CPLX3: variants seen among roughly 807,000 people sequenced by gnomAD.
CPLX3 encodes the protein complexin 3, also known as complexin-3.
A neutral mutation model predicts 17.2 loss-of-function variants in CPLX3; 12 were observed. The ratio of observed to expected loss-of-function variants is 0.70; its 90% CI spans 0.45 to 1.13. The LOEUF (loss-of-function observed/expected upper bound fraction) is 1.13. Among genes scored for constraint, CPLX3 ranks in the 50% most tolerant of loss-of-function variants. The pLI is 0.00. For synonymous variants in CPLX3, 75 were observed against 79.4 expected (o/e 0.94, Z 0.29); for missense variants, 172 against 203.2 (o/e 0.85, Z 0.93).
chr15:74,830,030 G>C, intron 2 of CPLX3, 100 bp from the exon 3 acceptor site: 1 of 798,704 alleles, frequency 1.3e-6, no homozygotes, highest in East Asian at 2.7e-5. Flanking sequence ...ATAGAATCTA[G>C]GGGCCTGGAA....
In CPLX3 at chr15:74,828,117, C is replaced by A. The variant is rs2063952133; in HGVS notation, c.248C>A (p.Pro83His). 26 of 1,586,900 alleles carry A rather than the reference C, an allele frequency of 1.6e-5. No homozygotes were observed. Among genetic ancestry groups the A allele is most frequent in the Non-Finnish European group, 2.1e-5 (25 of 1,165,800 alleles). Residue 83 changes from proline to histidine, a missense_variant, in exon 2 of 3, where the codon CCC becomes CAC. By Grantham distance (77) the Pro-to-His change is moderately conservative (BLOSUM62 -2). Coordinates refer to ENST00000395018, the MANE Select transcript of CPLX3 (RefSeq NM_001030005.3). Reference protein sequence around the residue: ...RSHFRDKYRLPKNETDESQIQ... With the variant: ...RSHFRDKYRLHKNETDESQIQ... ...CACTTCCGAGACAAATACCGGCTACCCAAGGTAAGCTGGCCCCGGCTGTGA... is the reference window on the plus strand; with the variant it reads ...CACTTCCGAGACAAATACCGGCTACACAAGGTAAGCTGGCCCCGGCTGTGA...
chr15:74,829,268 A>G (rs2063957664), intron 2 of CPLX3, among the ~76,000 whole-genome samples: 2 of 152,176 alleles, frequency 1.3e-5, no homozygotes, highest in African/African-American at 4.8e-5. Flanking sequence ...AGTTGAGCAG[A>G]AGAGCCAAGA....
chr15:74,830,367 G>T lies in CPLX3; in HGVS notation c.*13G>T, dbSNP rs755073779. The stretch of plus-strand genomic sequence containing the variant: ...TCACGTCATGTGACCACTTCCCCGG[G>T]GTTACCCACTGGGCTGGGCCCCCAT... On this transcript the variant is annotated 3_prime_UTR_variant, in exon 3 of 3. Transcript: ENST00000395018. 5.0e-5 allele frequency: 80 copies of T among 1,605,794 alleles called. No homozygotes were observed. Among genetic ancestry groups the T allele is most frequent in the East Asian group, 9.0e-5 (4 of 44,634 alleles).
chr15:74,826,937 G>T lies in CPLX3; in HGVS notation c.164+70G>T. ...CCCCACAGCTGCTCAGTCCATCCCC[G>T]GGCCAGCCTCAGGTCCCAATCCCTT... On this transcript the variant is annotated intron_variant, in intron 1 of 2. Coordinates refer to ENST00000395018, the MANE Select transcript of CPLX3 (RefSeq NM_001030005.3). The surrounding 1 kb of genome is among the most constrained non-coding windows in gnomAD (Gnocchi z 5.0). The T allele has an allele frequency of 7.0e-7, 1 of 1,422,094 alleles. No homozygotes were observed. The allele number at this position is 1,422,094 out of a possible 1,614,324, so 88.1% of individuals were successfully genotyped here.
At chr15:74,829,877 G>A (rs2063960254) in intron 2 of CPLX3, among the ~76,000 whole-genome samples, 1 of 152,062 alleles carries the variant, frequency 6.6e-6, no homozygotes, top group African/African-American at 2.4e-5. Context: ...AGAATCTAAG[G>A]GGCCGGGCAC....
rs372883520 is a variant in CPLX3, at chr15:74,830,131, A to G, written c.254A>G (p.Asn85Ser). 4.8e-5 allele frequency: 77 copies of G among 1,613,472 alleles called. No individual in the cohort carries two copies. The highest frequency in any genetic ancestry group is 6.1e-5 in the Non-Finnish European group (72 of 1,179,822). The part of the protein sequence containing the change: ...HFRDKYRLPK[N>S]ETDESQIQMA... ...CCCCTCTTCCCCTCTTCCCTTCAGA[A>G]CGAGACAGATGAGAGCCAGATCCAG... The change falls in exon 3 of 3, where the codon AAC (asparagine) becomes AGC (serine). Residue 85 changes from asparagine (N) to serine (S), a missense_variant and splice_region_variant. Transcript: ENST00000395018.
chr15:74,829,941 C>T (rs2063960780), intron 2 of CPLX3, among the ~76,000 whole-genome samples, 189 bp from the exon 3 acceptor site: 2 of 150,524 alleles, frequency 1.3e-5, no homozygotes, highest in African/African-American at 4.9e-5. Context: ...GTGGGCATAT[C>T]ACTTGAGCCC....
intron 2 of CPLX3, among the ~76,000 whole-genome samples, chr15:74,829,228 A>G (rs1213679871): frequency 1.3e-5 from 2 of 152,168 alleles, no homozygotes; most frequent in Admixed American, 6.6e-5. Flanking sequence ...CGCTAGGCAT[A>G]TAAGAGACAC....
rs2063963960 is a variant in CPLX3, at chr15:74,830,420, G to A, written c.*66G>A. ...GGGCTAAGAGTGTGTCAACTTCCAG[G>A]GACCCATACTCCATTTGGGGCTTTG... On this transcript the variant is annotated 3_prime_UTR_variant, in exon 3 of 3. Transcript: ENST00000395018. 3.0e-6 allele frequency: 4 copies of A among 1,319,284 alleles called. No individual in the cohort carries two copies. In the African/African-American group the frequency reaches 5.8e-5, roughly 19 times the overall value. 81.7% of individuals were successfully genotyped at this position (1,319,284 alleles called of 1,614,324 possible).
rs747181678 is a variant in CPLX3, at chr15:74,830,369, T to C, written c.*15T>C. The C allele has an allele frequency of 9.4e-6, 15 of 1,602,378 alleles. No individual in the cohort carries two copies. In the South Asian group the frequency reaches 1.7e-4, roughly 18 times the overall value. ...ACGTCATGTGACCACTTCCCCGGGG[T>C]TACCCACTGGGCTGGGCCCCCATGA... On this transcript the variant is annotated 3_prime_UTR_variant, in exon 3 of 3. Coordinates refer to ENST00000395018, the MANE Select transcript of CPLX3 (RefSeq NM_001030005.3).
At position 74,830,720 on chromosome 15, in the gene CPLX3, T is replaced by C. The variant is rs79269642; in HGVS notation, c.*366T>C. The C allele has an allele frequency of 0.11, 23,162 of 204,702 alleles. 1,669 individuals are homozygous for C. Among genetic ancestry groups the C allele is most frequent in the East Asian group, 0.35 (2,713 of 7,766 alleles). The allele number at this position is 204,702 out of a possible 1,614,324, so 12.7% of individuals were successfully genotyped here. ...CACGTTCAGAGACAGAAGCCACAGA[T>C]ACATCCCGGCACAGACAGACACACA... On this transcript the variant is annotated 3_prime_UTR_variant, in exon 3 of 3. Transcript: ENST00000395018.
intron 2 of CPLX3, 88 bp from the exon 3 acceptor site, chr15:74,830,042 C>A: frequency 1.0e-6 from 1 of 955,200 alleles, no homozygotes; most frequent in South Asian, 1.5e-5. Flanking sequence ...GGCCTGGAAC[C>A]CAGTCCAAGC....
chr15:74,829,652 T>C (rs902803789), intron 2 of CPLX3, among the ~76,000 whole-genome samples: 2 of 152,204 alleles, frequency 1.3e-5, no homozygotes, highest in Non-Finnish European at 2.9e-5. Flanking sequence ...CTATTTTTGG[T>C]TACACCCTTA....
rs140289965 is a variant in CPLX3 at position 74,830,184 on chromosome 15, C to G, written c.307C>G (p.Arg103Gly). The G allele has an allele frequency of 3.1e-6, 5 of 1,613,862 alleles. No homozygotes were observed. The highest frequency in any genetic ancestry group is 3.4e-6 in the Non-Finnish European group (4 of 1,179,994). The change falls in exon 3 of 3, where the codon CGG (arginine) becomes GGG (glycine). Residue 103 changes from arginine to glycine, a missense_variant. Arg to Gly is a moderately radical substitution (Grantham distance 125). Transcript: ENST00000395018. ...GGCAGGTGGAGACGTGGAGCTGCCC[C>G]GGGAGCTGGCCAAGATGATCGAGGA... ...QMAGGDVELP[R>G]ELAKMIEEDT... is the part of the protein sequence containing the mutation.
In CPLX3 at chr15:74,830,668, G is replaced by C. The variant is rs2063965099; in HGVS notation, c.*314G>C. The C allele has an allele frequency of 3.2e-6, 1 of 309,166 alleles. No individual in the cohort carries two copies. The highest frequency in any genetic ancestry group is 6.2e-6 in the Non-Finnish European group (1 of 162,226). 19.2% of individuals were successfully genotyped at this position (309,166 alleles called of 1,614,324 possible). A position where few individuals can be genotyped will look rare whatever the true frequency, so the allele number is the denominator to read the frequency against. On this transcript the variant is annotated 3_prime_UTR_variant, in exon 3 of 3. Coordinates refer to ENST00000395018, the MANE Select transcript of CPLX3 (RefSeq NM_001030005.3). ...CTGCACACAGGAGCACCCACAGAGA[G>C]ACACACACAGGACACAAAACCCCTG...
At chr15:74,830,031 G>T in intron 2 of CPLX3, 99 bp from the exon 3 acceptor site, 1 of 811,090 alleles carries the variant, frequency 1.2e-6, no homozygotes, top group Non-Finnish European at 2.0e-6. Flanking sequence ...TAGAATCTAG[G>T]GGCCTGGAAC....
In CPLX3 at chr15:74,830,174, G is replaced by A; in HGVS notation, c.297G>A (p.Val99=). The A allele has an allele frequency of 1.9e-6, 3 of 1,613,938 alleles. No individual in the cohort carries two copies. Among genetic ancestry groups the A allele is most frequent in the Non-Finnish European group, 2.5e-6 (3 of 1,180,010 alleles). The change falls in exon 3 of 3, where the codon GTG becomes GTA. Residue 99 remains valine (V), a synonymous_variant. Coordinates refer to ENST00000395018, the MANE Select transcript of CPLX3 (RefSeq NM_001030005.3). ...ESQIQMAGGD[V]ELPRELAKMI... ...AGATCCAGATGGCAGGTGGAGACGTGGAGCTGCCCCGGGAGCTGGCCAAGA... is the reference window on the plus strand; with the variant it reads ...AGATCCAGATGGCAGGTGGAGACGTAGAGCTGCCCCGGGAGCTGGCCAAGA...
At chr15:74,829,105 T>C (rs2063956824) in intron 2 of CPLX3, among the ~76,000 whole-genome samples, 2 of 152,220 alleles carry the variant, frequency 1.3e-5, no homozygotes, top group Non-Finnish European at 2.9e-5. Context: ...CAGCTGCTTC[T>C]GACTCCCCAC....
At chr15:74,827,191 G>A (rs1353894727) in intron 1 of CPLX3, among the ~76,000 whole-genome samples, 5 of 152,200 alleles carry the variant, frequency 3.3e-5, no homozygotes, top group African/African-American at 1.2e-4. Context: ...GGTCCCAGCC[G>A]CCTATGTCTT....
Sources: gnomAD v4.1 joint callset for allele counts (sites outside exome capture counted in the v4.1 genomes callset) on GRCh38, gnomAD v4.1.1 for gene constraint, Gnocchi (gnomAD v3.1) non-coding constraint, MANE v1.5 for transcripts, NCBI Gene and HGNC (gene_info 2026-07-23, HGNC 2026-07-21) for gene names.